Variants in PLCB4 observed in about 807,000 individuals in gnomAD.
PLCB4 encodes phospholipase C beta 4, also known as 1-phosphatidylinositol 4,5-bisphosphate phosphodiesterase beta-4.
PLCB4 carries 77 observed loss-of-function variants against 178.8 expected under a neutral mutation model. The ratio of observed to expected loss-of-function variants is 0.43; its 90% CI spans 0.36 to 0.52. The LOEUF (loss-of-function observed/expected upper bound fraction) is 0.52, where lower values mean the gene tolerates loss of function less well. PLCB4 is among the 20% of genes least tolerant of loss of function. The pLI, the probability that PLCB4 is intolerant of heterozygous loss-of-function variation, is 0.00. For synonymous variants in PLCB4, 496 were observed against 490.8 expected, an observed-to-expected ratio of 1.01 and a Z score of -0.14; for missense variants, 1,024 against 1,453.4, an observed-to-expected ratio of 0.70 and a Z score of 4.80.
chr20:9,173,042 T>G (rs141444483), intron 2 of PLCB4, among the ~76,000 whole-genome samples: 1 of 152,200 alleles, frequency 6.6e-6, no homozygotes, highest in Non-Finnish European at 1.5e-5. Context: ...TGGGAACAGA[T>G]GATGAACTAT....
At chr20:9,311,482 G>A (rs961912089) in intron 4 of PLCB4, among the ~76,000 whole-genome samples, 4 of 152,100 alleles carry the variant, frequency 2.6e-5, no homozygotes, top group Admixed American at 6.5e-5. Flanking sequence ...GCCCAACCAG[G>A]AGTGTCTCTC....
At chr20:9,366,068 C>T (rs2035752710) in intron 9 of PLCB4, among the ~76,000 whole-genome samples, 1 of 152,002 alleles carries the variant, frequency 6.6e-6, no homozygotes, top group African/African-American at 2.4e-5. Flanking sequence ...CCACCTTTGC[C>T]CTGATGCAGG....
At chr20:9,342,970 G>A (rs993429776) in intron 7 of PLCB4, among the ~76,000 whole-genome samples, 4 of 152,098 alleles carry the variant, frequency 2.6e-5, no homozygotes, top group Non-Finnish European at 5.9e-5. Flanking sequence ...CAATAAATAG[G>A]TTTGAAAACA....
At chr20:9,075,635 G>A (rs926003508) in intron 1 of PLCB4, among the ~76,000 whole-genome samples, 9 of 152,220 alleles carry the variant, frequency 5.9e-5, no homozygotes, top group Non-Finnish European at 1.2e-4. Context: ...AGGCCTTAGG[G>A]AGTGGTGAGG....
intron 21 of PLCB4, among the ~76,000 whole-genome samples, chr20:9,406,758 G>GT (rs1285533910): frequency 2.6e-5 from 4 of 152,132 alleles, no homozygotes; most frequent in African/African-American, 9.7e-5. Flanking sequence ...GCCTCCCAAA[G>GT]TGCTGGGATT....
At chr20:9,301,760 C>T (rs1032067462) in intron 3 of PLCB4, among the ~76,000 whole-genome samples, 1 of 152,060 alleles carries the variant, frequency 6.6e-6, no homozygotes, top group East Asian at 1.9e-4. Flanking sequence ...TGCTCTGGAA[C>T]AAGACCTTCT....
chr20:9,327,295 T>TA (rs397967310), intron 4 of PLCB4, among the ~76,000 whole-genome samples: 4 of 151,220 alleles, frequency 2.6e-5, no homozygotes, highest in African/African-American at 9.8e-5. Context: ...TTTTTTTTTT[T>TA]AATTAGCCAG....
intron 3 of PLCB4, among the ~76,000 whole-genome samples, chr20:9,249,292 A>G (rs1270263236): frequency 6.6e-6 from 1 of 151,966 alleles, no homozygotes; most frequent in African/African-American, 2.4e-5. Flanking sequence ...ACGTATGTAT[A>G]CATGTGCCAT....
intron 2 of PLCB4, among the ~76,000 whole-genome samples, chr20:9,147,838 C>T (rs528972132): frequency 5.3e-5 from 8 of 152,126 alleles, no homozygotes; most frequent in African/African-American, 1.7e-4. Flanking sequence ...GTTACGTAGC[C>T]GAGACTGTGG....
At chr20:9,144,479 A>G (rs1386383456) in intron 2 of PLCB4, among the ~76,000 whole-genome samples, 1 of 151,662 alleles carries the variant, frequency 6.6e-6, no homozygotes, top group Non-Finnish European at 1.5e-5. Flanking sequence ...AGCTAGTGAA[A>G]ATACTATACA....
chr20:9,309,260 A>T (rs970693003), intron 4 of PLCB4, among the ~76,000 whole-genome samples: 4 of 152,070 alleles, frequency 2.6e-5, no homozygotes, highest in Non-Finnish European at 5.9e-5. Flanking sequence ...TTTCCCCCAT[A>T]AACTATTCTA....
At chr20:9,156,140 G>A (rs2092784404) in intron 2 of PLCB4, among the ~76,000 whole-genome samples, 1 of 152,150 alleles carries the variant, frequency 6.6e-6, no homozygotes, top group Admixed American at 6.5e-5. Context: ...TGCTTCTTCA[G>A]TCATCTGCCA....
intron 2 of PLCB4, among the ~76,000 whole-genome samples, chr20:9,162,550 G>A (rs1228566715): frequency 6.6e-6 from 1 of 152,160 alleles, no homozygotes; most frequent in African/African-American, 2.4e-5. Flanking sequence ...TTATATTAAA[G>A]GGAATTGGAA....
rs938432371 is a variant in PLCB4 at position 9,384,134 on chromosome 20, A to G, written c.854-67A>G. The G allele has an allele frequency of 1.1e-5, 13 of 1,204,704 alleles. No homozygotes were observed. In the East Asian group the frequency reaches 1.6e-4, roughly 15 times the overall value. 74.6% of individuals were successfully genotyped at this position (1,204,704 alleles called of 1,614,324 possible). ...TATAATTTAAGCTGCCTCAGCTTCC[A>G]TGAATAAAACATGAGATATGCATCT... is the stretch of plus-strand genomic sequence containing the variant. On this transcript the variant is annotated intron_variant, in intron 13 of 39. Coordinates refer to ENST00000378473, the MANE Select transcript of PLCB4 (RefSeq NM_001377142.1).
At chr20:9,168,569 C>A (rs781100900) in intron 2 of PLCB4, among the ~76,000 whole-genome samples, 1 of 152,230 alleles carries the variant, frequency 6.6e-6, no homozygotes, top group Non-Finnish European at 1.5e-5. Context: ...GCCTGAGATT[C>A]TGCATTGCTA....
At chr20:9,200,770 T>C (rs1489297310) in intron 2 of PLCB4, among the ~76,000 whole-genome samples, 1 of 152,066 alleles carries the variant, frequency 6.6e-6, no homozygotes, top group Non-Finnish European at 1.5e-5. Flanking sequence ...GCTGACTCAC[T>C]CACTTCTCTC....
At chr20:9,314,285 A>ACTGGAT (rs1195025942) in intron 4 of PLCB4, among the ~76,000 whole-genome samples, 1 of 152,156 alleles carries the variant, frequency 6.6e-6, no homozygotes, top group Non-Finnish European at 1.5e-5. Flanking sequence ...GTTCTGGATG[A>ACTGGAT]CCAGTGACAA....
At chr20:9,079,433 G>A (rs11087832) in intron 1 of PLCB4, among the ~76,000 whole-genome samples, 94,836 of 151,982 alleles carry the variant, frequency 0.62, 29,706 homozygotes, top group South Asian at 0.72. Flanking sequence ...GAGGGACCCC[G>A]TCTGCCTGTA....
At chr20:9,356,004 T>C (rs2034781629) in intron 7 of PLCB4, among the ~76,000 whole-genome samples, 1 of 152,228 alleles carries the variant, frequency 6.6e-6, no homozygotes. Flanking sequence ...TGGTGTGAGA[T>C]GGTATCTCAT....
Sources: allele counts gnomAD v4.1 joint callset (sites outside exome capture counted in the v4.1 genomes callset), GRCh38; gene constraint gnomAD v4.1.1; transcripts MANE v1.5; gene names NCBI Gene and HGNC (gene_info 2026-07-23, HGNC 2026-07-21).